DCP1A: variants seen among roughly 807,000 people sequenced by gnomAD.
DCP1A encodes the protein decapping mRNA 1A, also known as mRNA-decapping enzyme 1A.
DCP1A carries 20 observed loss-of-function variants against 58.0 expected under a neutral mutation model. The ratio of observed to expected loss-of-function variants is 0.34; its 90% CI spans 0.24 to 0.50. The LOEUF (loss-of-function observed/expected upper bound fraction) is 0.50, where lower values mean the gene tolerates loss of function less well. Among genes scored for constraint, DCP1A ranks in the 20% least tolerant of loss-of-function variants. DCP1A has a pLI of 0.98. For synonymous variants in DCP1A, 285 were observed against 275.1 expected (o/e 1.04, Z -0.36); for missense variants, 613 against 712.2 (o/e 0.86, Z 1.59).
intron 6 of DCP1A, among the ~76,000 whole-genome samples, chr3:53,295,065 T>C (rs1244008191): frequency 6.6e-6 from 1 of 152,154 alleles, no homozygotes; most frequent in Non-Finnish European, 1.5e-5. Flanking sequence ...AGAGATCCTG[T>C]GTCAGGAGGG....
Position 53,312,363 on chromosome 3 carries a change from T to C in DCP1A, c.388A>G (p.Thr130Ala), listed in dbSNP as rs782384105. 2 of 1,608,462 alleles carry C rather than the reference T, an allele frequency of 1.2e-6. No homozygotes were observed. Among genetic ancestry groups the C allele is most frequent in the South Asian group, 1.1e-5 (1 of 90,304 alleles). Residue 130 changes from threonine (T) to alanine (A), a missense_variant, in exon 5 of 10, where the codon ACA becomes GCA. Physicochemically the swap from Thr to Ala is moderately conservative, Grantham distance 58. Coordinates refer to ENST00000610213, the MANE Select transcript of DCP1A (RefSeq NM_018403.7). ...CGAGCAGCTTGCTGGGATCGCCGTG[T>C]CTCCTCTTCTACCACACTAGAGGAG... ...KLMADVVEEE[T>A]RRSQQAARDK...
intron 3 of DCP1A, among the ~76,000 whole-genome samples, chr3:53,325,512 T>C (rs911239403): frequency 4.6e-5 from 7 of 152,170 alleles, no homozygotes; most frequent in Non-Finnish European, 1.0e-4. Context: ...GAAAAAAAGT[T>C]ATGCAATTTC....
chr3:53,343,117 ACGATATAC>A (rs1412895184), intron 2 of DCP1A, among the ~76,000 whole-genome samples: 6 of 152,182 alleles, frequency 3.9e-5, no homozygotes, highest in Non-Finnish European at 8.8e-5. Flanking sequence ...TTGTTTCTCT[ACGATATAC>A]CCGGGGTGTT....
chr3:53,336,932 G>T (rs1423768719), intron 3 of DCP1A, among the ~76,000 whole-genome samples: 1 of 151,860 alleles, frequency 6.6e-6, no homozygotes, highest in African/African-American at 2.4e-5. Flanking sequence ...GTGCCAAGGG[G>T]CCATCTAGGC....
At chr3:53,320,658 T>A (rs1242646563) in intron 3 of DCP1A, among the ~76,000 whole-genome samples, 2 of 152,184 alleles carry the variant, frequency 1.3e-5, no homozygotes, top group Admixed American at 6.5e-5. Context: ...AATGGTAACA[T>A]TTTACAAAAT....
At chr3:53,344,507 T>G (rs1335073302) in intron 2 of DCP1A, among the ~76,000 whole-genome samples, 3 of 152,164 alleles carry the variant, frequency 2.0e-5, no homozygotes, top group East Asian at 1.9e-4. Context: ...CAACCACTCA[T>G]GTAGTAATGA....
chr3:53,341,863 T>G (rs12491493), intron 3 of DCP1A, among the ~76,000 whole-genome samples: 111,070 of 151,888 alleles, frequency 0.73, 40,996 homozygotes, highest in Middle Eastern at 0.77. Context: ...TTTTAGTAGA[T>G]ACGGGGTTTC....
At chr3:53,309,996 AC>A (rs1301079536) in intron 5 of DCP1A, among the ~76,000 whole-genome samples, 2 of 152,224 alleles carry the variant, frequency 1.3e-5, no homozygotes, top group African/African-American at 4.8e-5. Flanking sequence ...AAACACCAAG[AC>A]CCATGAATTC....
At position 53,319,430 on chromosome 3, in the gene DCP1A, G is replaced by T; in HGVS notation, c.348C>A (p.His116Gln). The change falls in exon 4 of 10, where the codon CAC (histidine) becomes CAA (glutamine). Residue 116 changes from histidine (H) to glutamine (Q), a missense_variant. By Grantham distance (24) the His-to-Gln change is conservative. Coordinates refer to ENST00000610213, the MANE Select transcript of DCP1A (RefSeq NM_018403.7). ...ACTCAGCCATGAGTTTTGCTATGCG[G>T]TGACAGTCATTCTTGTCATAAAACC... is the stretch of plus-strand genomic sequence containing the variant. Reference protein sequence around the residue: ...SIWFYDKNDCHRIAKLMADVV... With the variant: ...SIWFYDKNDCQRIAKLMADVV... 6.4e-7 allele frequency: 1 copy of T among 1,561,786 alleles called. No homozygotes were observed. The highest frequency in any genetic ancestry group is 2.3e-5 in the East Asian group (1 of 42,880).
intron 3 of DCP1A, among the ~76,000 whole-genome samples, chr3:53,335,129 A>AT (rs200729317): frequency 3.3e-5 from 5 of 149,348 alleles, no homozygotes; most frequent in East Asian, 3.9e-4. Context: ...ATATATATAT[A>AT]TTTTTTTTAT....
rs374614327 is a variant in DCP1A, at chr3:53,294,402, A to G, written c.625-1575T>C. ...TGGTATCTGGGTATTGGGTGGTGGT[A>G]TCACTGCCTGGGCAGGCCAGCCCAG... On this transcript the variant is annotated intron_variant, in intron 6 of 9. Transcript: ENST00000610213. Among the ~76,000 whole-genome samples the G allele has an allele frequency of 2.2e-4, 33 of 152,226 alleles. No homozygotes were observed. The South Asian group carries it at 6.4e-3, about 30-fold the overall frequency.
At chr3:53,310,060 A>G (rs1252353803) in intron 5 of DCP1A, among the ~76,000 whole-genome samples, 2 of 152,250 alleles carry the variant, frequency 1.3e-5, no homozygotes, top group Non-Finnish European at 2.9e-5. Context: ...ACAAATGCAG[A>G]TAAGAGAACA....
chr3:53,302,645 C>T (rs1707345482), intron 6 of DCP1A, among the ~76,000 whole-genome samples: 1 of 152,128 alleles, frequency 6.6e-6, no homozygotes, highest in Non-Finnish European at 1.5e-5. Context: ...TATTTTGAGC[C>T]AGAGCCTTGC....
At chr3:53,295,474 GAA>G (rs112694751) in intron 6 of DCP1A, among the ~76,000 whole-genome samples, 1 of 151,980 alleles carries the variant, frequency 6.6e-6, no homozygotes, top group African/African-American at 2.4e-5. Flanking sequence ...TTTTACTTCT[GAA>G]AAAAACTGTA....
chr3:53,312,360 G>A lies in DCP1A; in HGVS notation c.391C>T (p.Arg131Trp). Residue 131 changes from arginine (R) to tryptophan (W), a missense_variant, in exon 5 of 10, where the codon CGG (arginine) becomes TGG (tryptophan). Arg to Trp is a moderately radical substitution (Grantham distance 101, BLOSUM62 -3). Transcript: ENST00000610213. ...LMADVVEEET[R>W]RSQQAARDKQ... ...TCCCGAGCAGCTTGCTGGGATCGCC[G>A]TGTCTCCTCTTCTACCACACTAGAG... 1.9e-6 allele frequency: 3 copies of A among 1,609,316 alleles called. No homozygotes were observed. Among genetic ancestry groups the A allele is most frequent in the African/African-American group, 1.3e-5 (1 of 74,740 alleles).
intron 4 of DCP1A, among the ~76,000 whole-genome samples, chr3:53,316,548 T>C (rs1553689261): frequency 6.6e-6 from 1 of 151,372 alleles, no homozygotes; most frequent in East Asian, 1.9e-4. Flanking sequence ...AAATGACAGG[T>C]ACACACCACT....
chr3:53,293,713 T>G (rs556313310), intron 6 of DCP1A, among the ~76,000 whole-genome samples: 20 of 152,328 alleles, frequency 1.3e-4, no homozygotes, highest in African/African-American at 4.6e-4. Flanking sequence ...TCAGAAAGTC[T>G]GTAAGGCCCC....
At chr3:53,297,501 C>T (rs1396352637) in intron 6 of DCP1A, among the ~76,000 whole-genome samples, 1 of 152,030 alleles carries the variant, frequency 6.6e-6, no homozygotes, top group African/African-American at 2.4e-5. Flanking sequence ...GCTGGGAATG[C>T]AGACATGCAC....
At chr3:53,298,771 C>T (rs1315755919) in intron 6 of DCP1A, among the ~76,000 whole-genome samples, 3 of 152,194 alleles carry the variant, frequency 2.0e-5, no homozygotes, top group South Asian at 2.1e-4. Flanking sequence ...AATGCATCAA[C>T]GTTTGGAAAT....
Sources: gnomAD v4.1 joint callset for allele counts (sites outside exome capture counted in the v4.1 genomes callset) on GRCh38, gnomAD v4.1.1 for gene constraint, MANE v1.5 for transcripts, NCBI Gene and HGNC (gene_info 2026-07-23, HGNC 2026-07-21) for gene names.